ARK2N: variants seen among roughly 807,000 people sequenced by gnomAD.
ARK2N encodes the protein arkadia (RNF111) N-terminal like PKA signaling regulator 2N.
chr18:46,212,990 A>ATTTTTTTT, the ARK2N span, among the ~76,000 whole-genome samples: 2 of 80,498 alleles, frequency 2.5e-5, no homozygotes, highest in African/African-American at 4.6e-5. Context: ...TTTAAGAAGA[A>ATTTTTTTT]TTTTTTTTTT....
the ARK2N span, among the ~76,000 whole-genome samples, chr18:46,191,516 G>T: frequency 6.6e-6 from 1 of 151,940 alleles, no homozygotes; most frequent in Non-Finnish European, 1.5e-5. Flanking sequence ...TAACATTAGG[G>T]TTCACTCTTT....
the ARK2N span, chr18:46,253,712 G>A: frequency 1.9e-6 from 3 of 1,609,352 alleles, no homozygotes; most frequent in Non-Finnish European, 2.5e-6. Context: ...TTGGATCCAG[G>A]ATTCCTAGCA....
At chr18:46,175,867 T>TG in the ARK2N span, among the ~76,000 whole-genome samples, 4 of 152,216 alleles carry the variant, frequency 2.6e-5, no homozygotes, top group Non-Finnish European at 5.9e-5. Flanking sequence ...TAGGATGGAC[T>TG]GGATATTGGA....
the ARK2N span, among the ~76,000 whole-genome samples, chr18:46,256,118 A>G: frequency 5.1e-3 from 776 of 152,318 alleles, 9 homozygotes; most frequent in African/African-American, 0.017. Flanking sequence ...ATTATCTTCA[A>G]ATGTGCCAGG....
the ARK2N span, among the ~76,000 whole-genome samples, chr18:46,249,790 A>C: frequency 6.6e-6 from 1 of 151,942 alleles, no homozygotes; most frequent in East Asian, 1.9e-4. Context: ...TCCATAGCCA[A>C]ACTTCTTAAA....
chr18:46,219,672 A>G, the ARK2N span, among the ~76,000 whole-genome samples: 3 of 151,860 alleles, frequency 2.0e-5, no homozygotes, highest in Non-Finnish European at 2.9e-5. Context: ...GGGTTTCACC[A>G]TGTTGGCCAG....
chr18:46,266,166 G>T, the ARK2N span: 1 of 152,132 alleles, frequency 6.6e-6, no homozygotes, highest in African/African-American at 2.4e-5. Flanking sequence ...GAATTGTCTG[G>T]TTTACTAATG....
the ARK2N span, among the ~76,000 whole-genome samples, chr18:46,252,893 GATGTTGGAGA>G: frequency 6.6e-6 from 1 of 152,172 alleles, no homozygotes; most frequent in Non-Finnish European, 1.5e-5. Context: ...TGTTTTCTGT[GATGTTGGAGA>G]ATGTATTTTA....
At chr18:46,253,680 C>T in the ARK2N span, 6 of 1,592,610 alleles carry the variant, frequency 3.8e-6, no homozygotes, top group Admixed American at 1.8e-5. Context: ...GTTTTTTTTC[C>T]TCCCCTTCTC....
At chr18:46,234,258 C>T in the ARK2N span, among the ~76,000 whole-genome samples, 1 of 152,030 alleles carries the variant, frequency 6.6e-6, no homozygotes, top group Non-Finnish European at 1.5e-5. Flanking sequence ...AGTGCAGTGG[C>T]GCAATCTTGG....
the ARK2N span, among the ~76,000 whole-genome samples, chr18:46,224,728 A>G: frequency 1.3e-5 from 2 of 152,240 alleles, no homozygotes; most frequent in South Asian, 2.1e-4. Context: ...AATTAAAGCT[A>G]TGAAAAATGA....
the ARK2N span, among the ~76,000 whole-genome samples, chr18:46,231,285 G>A: frequency 1.3e-5 from 2 of 152,148 alleles, no homozygotes; most frequent in African/African-American, 4.8e-5. Flanking sequence ...TTTACTAAGA[G>A]AAATTAGCCT....
the ARK2N span, among the ~76,000 whole-genome samples, chr18:46,252,522 C>T: frequency 6.6e-6 from 1 of 152,084 alleles, no homozygotes. Flanking sequence ...GATCCGCCCA[C>T]CTTGGCCTCC....
At chr18:46,243,404 A>C in the ARK2N span, among the ~76,000 whole-genome samples, 1 of 152,150 alleles carries the variant, frequency 6.6e-6, no homozygotes, top group Non-Finnish European at 1.5e-5. Flanking sequence ...GTTCACTTTA[A>C]TCAACAGCAG....
the ARK2N span, among the ~76,000 whole-genome samples, chr18:46,187,493 C>T: frequency 3.3e-5 from 5 of 151,802 alleles, no homozygotes; most frequent in East Asian, 5.9e-4. Context: ...AGGTGCACGC[C>T]GCCACGCCTG....
chr18:46,214,805 G>A, the ARK2N span, among the ~76,000 whole-genome samples: 1 of 152,220 alleles, frequency 6.6e-6, no homozygotes, highest in South Asian at 2.1e-4. Context: ...GACCATTGTG[G>A]ATAAAACATC....
the ARK2N span, among the ~76,000 whole-genome samples, chr18:46,198,136 T>C: frequency 1.3e-5 from 2 of 151,932 alleles, no homozygotes; most frequent in Non-Finnish European, 2.9e-5. Context: ...ACACTGTCTC[T>C]ACTAAAAATA....
At chr18:46,229,690 C>T in the ARK2N span, among the ~76,000 whole-genome samples, 11 of 152,080 alleles carry the variant, frequency 7.2e-5, no homozygotes, top group African/African-American at 2.7e-4. Flanking sequence ...GATCACAGCT[C>T]ACTGCACCCT....
the ARK2N span, among the ~76,000 whole-genome samples, chr18:46,236,861 T>C: frequency 6.6e-6 from 1 of 150,904 alleles, no homozygotes; most frequent in Non-Finnish European, 1.5e-5. Context: ...TTGTTGTTTG[T>C]TTTTTGCTTT....
Sources: allele counts gnomAD v4.1 joint callset (sites outside exome capture counted in the v4.1 genomes callset), GRCh38; gene constraint gnomAD v4.1.1; transcripts MANE v1.5; gene names NCBI Gene and HGNC (gene_info 2026-07-23, HGNC 2026-07-21).